CNTN5: variants seen among roughly 807,000 people sequenced by gnomAD.
CNTN5 encodes contactin-5.
Under a neutral mutation model 129.1 loss-of-function variants are expected in CNTN5, and 77 were observed. That is an observed-to-expected ratio of 0.60 (90% confidence interval 0.50 to 0.72). CNTN5 has a LOEUF of 0.72. CNTN5 is among the 30% of genes least tolerant of loss of function. The pLI is 0.00. For missense variants in CNTN5, 1,478 were observed against 1,328.8 expected (o/e 1.11, Z -1.75); for synonymous variants, 509 against 465.6 (o/e 1.09, Z -1.20).
chr11:100,177,017 A>C (rs1305264323), intron 13 of CNTN5, among the ~76,000 whole-genome samples: 1 of 151,982 alleles, frequency 6.6e-6, no homozygotes, highest in African/African-American at 2.4e-5. Flanking sequence ...TCTGCTGAAG[A>C]GTATGTTATC....
chr11:99,469,208 G>A (rs1945072937), intron 2 of CNTN5, among the ~76,000 whole-genome samples: 1 of 152,002 alleles, frequency 6.6e-6, no homozygotes, highest in Non-Finnish European at 1.5e-5. Context: ...AATTCATTAT[G>A]TTCAAAATAG....
intron 6 of CNTN5, among the ~76,000 whole-genome samples, chr11:99,906,989 A>G (rs1278900990): frequency 1.3e-5 from 2 of 151,428 alleles, no homozygotes; most frequent in African/African-American, 4.9e-5. Flanking sequence ...GCCATTTTTT[A>G]TTGTGTCTAT....
intron 3 of CNTN5, among the ~76,000 whole-genome samples, chr11:99,765,713 G>A (rs1944731043): frequency 1.3e-5 from 2 of 150,684 alleles, no homozygotes; most frequent in Non-Finnish European, 3.0e-5. Flanking sequence ...CTATAGAAGA[G>A]TCTACACCTT....
At chr11:99,269,433 CTGTT>C (rs936343974) in intron 1 of CNTN5, among the ~76,000 whole-genome samples, 43 of 151,440 alleles carry the variant, frequency 2.8e-4, no homozygotes, top group African/African-American at 1.0e-3. Context: ...AAGAGCTGAC[CTGTT>C]TGTTTGTTGC....
At chr11:99,230,436 TTA>T (rs1860932041) in intron 1 of CNTN5, among the ~76,000 whole-genome samples, 1 of 151,208 alleles carries the variant, frequency 6.6e-6, no homozygotes, top group African/African-American at 2.4e-5. Context: ...TGGAAATAAA[TTA>T]TGTTTTTTGG....
In CNTN5 at chr11:99,575,409, G is replaced by C. The variant is rs532824380; in HGVS notation, c.55+19140G>C. ...ATAGGTACCAGAGGAACTGCTTGTG[G>C]TCATTGGAGTGTCTGCAGAGAGGAA... On this transcript the variant is annotated intron_variant, in intron 3 of 24. Coordinates refer to ENST00000524871, the MANE Select transcript of CNTN5 (RefSeq NM_014361.4). Among the ~76,000 whole-genome samples the C allele has an allele frequency of 4.6e-5, 7 of 152,238 alleles. 1 individual carries two copies. The highest frequency in any genetic ancestry group is 1.4e-4 in the African/African-American group (6 of 41,552).
chr11:99,842,810 G>C (rs1947555666), intron 4 of CNTN5, among the ~76,000 whole-genome samples: 2 of 151,990 alleles, frequency 1.3e-5, no homozygotes, highest in African/African-American at 2.4e-5. Flanking sequence ...ATTTTCTCTA[G>C]TTATTTATTA....
At chr11:99,795,634 G>A (rs1945907509) in intron 3 of CNTN5, among the ~76,000 whole-genome samples, 1 of 143,660 alleles carries the variant, frequency 7.0e-6, no homozygotes, top group African/African-American at 2.6e-5. Context: ...TTAAATCATA[G>A]ACATTGTTAC....
intron 1 of CNTN5, among the ~76,000 whole-genome samples, chr11:99,246,781 A>G (rs1362131173): frequency 1.3e-5 from 2 of 152,180 alleles, no homozygotes; most frequent in Non-Finnish European, 2.9e-5. Flanking sequence ...TGTGAAATTA[A>G]GTATCACAGG....
intron 10 of CNTN5, among the ~76,000 whole-genome samples, chr11:100,066,220 C>T (rs563732556): frequency 6.6e-6 from 1 of 152,216 alleles, no homozygotes; most frequent in Admixed American, 6.6e-5. Flanking sequence ...ATAACTCATT[C>T]TCAGCGACAT....
chr11:99,792,538 G>A (rs994812560), intron 3 of CNTN5, among the ~76,000 whole-genome samples: 1 of 127,748 alleles, frequency 7.8e-6, no homozygotes, highest in Non-Finnish European at 1.6e-5. Flanking sequence ...CCTGAAGAGG[G>A]GTGTGTGTGT....
At chr11:100,329,368 T>A (rs144074750) in intron 21 of CNTN5, among the ~76,000 whole-genome samples, 1 of 152,084 alleles carries the variant, frequency 6.6e-6, no homozygotes, top group African/African-American at 2.4e-5. Context: ...AAGACAAAGG[T>A]CTTAATTTCT....
chr11:99,954,437 C>G (rs1310101273), intron 7 of CNTN5, among the ~76,000 whole-genome samples: 1 of 152,106 alleles, frequency 6.6e-6, no homozygotes, highest in Admixed American at 6.5e-5. Context: ...GCTACTACTA[C>G]TAAATGTTTA....
chr11:99,173,672 G>A (rs556047968), intron 1 of CNTN5, among the ~76,000 whole-genome samples: 89 of 152,282 alleles, frequency 5.8e-4, no homozygotes, highest in African/African-American at 2.1e-3. Flanking sequence ...GTGAGAAGAA[G>A]GATTGAGAGC....
chr11:99,747,528 C>T (rs370019445), intron 3 of CNTN5, among the ~76,000 whole-genome samples: 10 of 141,652 alleles, frequency 7.1e-5, no homozygotes, highest in South Asian at 4.5e-4. Context: ...TGCAGTGGCA[C>T]GATCCCTGCT....
intron 1 of CNTN5, among the ~76,000 whole-genome samples, chr11:99,183,326 A>G (rs900254989): frequency 6.6e-6 from 1 of 152,118 alleles, no homozygotes; most frequent in African/African-American, 2.4e-5. Flanking sequence ...ACTCCAAACC[A>G]TTCTGTAGAA....
intron 2 of CNTN5, among the ~76,000 whole-genome samples, chr11:99,496,352 C>G (rs911572791): frequency 3.3e-5 from 5 of 152,010 alleles, no homozygotes; most frequent in African/African-American, 1.2e-4. Flanking sequence ...CGGCTCACTG[C>G]AGTGAAAATG....
intron 3 of CNTN5, among the ~76,000 whole-genome samples, chr11:99,642,882 A>G (rs1156336539): frequency 1.3e-5 from 2 of 152,062 alleles, no homozygotes; most frequent in African/African-American, 4.8e-5. Context: ...CACTTACCAT[A>G]ATGTCCTCTA....
chr11:99,109,323 T>A (rs1857672197), intron 1 of CNTN5, among the ~76,000 whole-genome samples: 1 of 152,134 alleles, frequency 6.6e-6, no homozygotes, highest in Admixed American at 6.5e-5. Flanking sequence ...AATTGTTGAT[T>A]TTTAAAAATT....
Sources: allele counts gnomAD v4.1 joint callset (sites outside exome capture counted in the v4.1 genomes callset), GRCh38; gene constraint gnomAD v4.1.1; transcripts MANE v1.5; gene names NCBI Gene and HGNC (gene_info 2026-07-23, HGNC 2026-07-21).